The following EXOC4 variants were observed in gnomAD, a reference collection of about 807,000 sequenced individuals.
EXOC4 encodes the protein exocyst complex component 4.
EXOC4 carries 71 observed loss-of-function variants against 107.2 expected under a neutral mutation model. The ratio of observed to expected loss-of-function variants is 0.66; its 90% confidence interval spans 0.55 to 0.81. EXOC4 has a LOEUF of 0.81. Ranked by LOEUF, EXOC4 falls within the 30% of genes least tolerant of loss-of-function variation. EXOC4 has a pLI of 0.00. For synonymous variants in EXOC4, 456 were observed against 441.2 expected, an observed-to-expected ratio of 1.03 and a Z score of -0.42; for missense variants, 1,108 against 1,189.6, an observed-to-expected ratio of 0.93 and a Z score of 1.01.
At chr7:133,804,159 C>G (rs554364677) in intron 10 of EXOC4, among the ~76,000 whole-genome samples, 3 of 152,158 alleles carry the variant, frequency 2.0e-5, no homozygotes, top group African/African-American at 7.2e-5. Context: ...TTGTGAATAC[C>G]GTTGCAAGAT....
intron 1 of EXOC4, among the ~76,000 whole-genome samples, chr7:133,260,156 G>A (rs1286831559): frequency 6.6e-6 from 1 of 151,804 alleles, no homozygotes; most frequent in African/African-American, 2.4e-5. Flanking sequence ...ATATGTGTGG[G>A]TTTATTTCTT....
At chr7:133,955,400 A>AGGAGACCCTGGAGTGG (rs1469416195) in intron 14 of EXOC4, among the ~76,000 whole-genome samples, 2 of 152,102 alleles carry the variant, frequency 1.3e-5, no homozygotes, top group South Asian at 2.1e-4. Flanking sequence ...CTCAGCAGAG[A>AGGAGACCCTGGAGTGG]GGAGACCCTG....
At chr7:133,757,220 AATAAT>A (rs1245372175) in intron 10 of EXOC4, among the ~76,000 whole-genome samples, 1 of 152,212 alleles carries the variant, frequency 6.6e-6, no homozygotes, top group African/African-American at 2.4e-5. Flanking sequence ...ATAGTGGGGA[AATAAT>A]ATAATGTTGA....
At chr7:133,704,730 G>A (rs555705233) in intron 10 of EXOC4, among the ~76,000 whole-genome samples, 1 of 152,230 alleles carries the variant, frequency 6.6e-6, no homozygotes, top group East Asian at 1.9e-4. Context: ...ATCTGTCCTG[G>A]GAGGGTAATT....
chr7:134,007,873 G>A (rs774096328), intron 17 of EXOC4, 38 bp downstream of exon 17: 10 of 1,572,278 alleles, frequency 6.4e-6, no homozygotes, highest in Non-Finnish European at 8.7e-6. Flanking sequence ...TTATGCCAAA[G>A]CTAAGACCTC....
At chr7:133,402,631 T>C (rs916766864) in intron 7 of EXOC4, among the ~76,000 whole-genome samples, 4 of 152,136 alleles carry the variant, frequency 2.6e-5, no homozygotes, top group African/African-American at 9.7e-5. Context: ...CCCAAATAGC[T>C]GGGATTATAG....
intron 7 of EXOC4, among the ~76,000 whole-genome samples, chr7:133,455,757 A>G (rs1282790798): frequency 6.6e-6 from 1 of 152,206 alleles, no homozygotes; most frequent in Admixed American, 6.5e-5. Flanking sequence ...CCATAGATTT[A>G]TGGGTTTTAA....
At chr7:133,764,261 A>G (rs571122018) in intron 10 of EXOC4, among the ~76,000 whole-genome samples, 5 of 152,088 alleles carry the variant, frequency 3.3e-5, no homozygotes, top group Non-Finnish European at 7.4e-5. Flanking sequence ...AGGATTGGCA[A>G]ACTTTTTCAA....
At chr7:133,797,993 T>C (rs1796852051) in intron 10 of EXOC4, among the ~76,000 whole-genome samples, 1 of 152,080 alleles carries the variant, frequency 6.6e-6, no homozygotes, top group African/African-American at 2.4e-5. Context: ...AGAATGATCT[T>C]AAGAAGGTGA....
At chr7:134,036,205 C>T (rs961434787) in intron 17 of EXOC4, among the ~76,000 whole-genome samples, 7 of 152,122 alleles carry the variant, frequency 4.6e-5, no homozygotes, top group South Asian at 2.1e-4. Flanking sequence ...AAAAAGGCCA[C>T]GGTGACTTTC....
At chr7:133,523,411 A>T (rs540416506) in intron 9 of EXOC4, among the ~76,000 whole-genome samples, 1 of 151,874 alleles carries the variant, frequency 6.6e-6, no homozygotes, top group Admixed American at 6.6e-5. Flanking sequence ...TCTAATCTGA[A>T]AATTAAGAGT....
chr7:133,922,522 T>G (rs1264312628), intron 13 of EXOC4, among the ~76,000 whole-genome samples: 1 of 152,140 alleles, frequency 6.6e-6, no homozygotes, highest in Admixed American at 6.6e-5. Context: ...TATATTGTAT[T>G]TCATTATGTC....
At chr7:133,638,851 C>T (rs928373903) in intron 10 of EXOC4, among the ~76,000 whole-genome samples, 4 of 152,024 alleles carry the variant, frequency 2.6e-5, no homozygotes, top group Non-Finnish European at 5.9e-5. Flanking sequence ...ATTTTAGATG[C>T]AGGTTTTCGT....
chr7:133,904,425 C>T (rs989579558), intron 12 of EXOC4, among the ~76,000 whole-genome samples: 1 of 152,186 alleles, frequency 6.6e-6, no homozygotes, highest in African/African-American at 2.4e-5. Context: ...TTTGTCCAAA[C>T]AGCAAACTCT....
intron 10 of EXOC4, among the ~76,000 whole-genome samples, chr7:133,656,476 C>T (rs1297701398): frequency 6.6e-6 from 1 of 151,854 alleles, no homozygotes; most frequent in Non-Finnish European, 1.5e-5. Context: ...AAGGTAATAA[C>T]CCCCTCAAAT....
At chr7:133,561,007 TC>T (rs1197003732) in intron 9 of EXOC4, among the ~76,000 whole-genome samples, 2 of 152,068 alleles carry the variant, frequency 1.3e-5, no homozygotes, top group African/African-American at 4.8e-5. Flanking sequence ...TCTGTACAGT[TC>T]TTTTGGCCTT....
Position 133,714,061 on chromosome 7 carries a change from A to G in EXOC4, c.1514+83920A>G, listed in dbSNP as rs146676157. On this transcript the variant is annotated intron_variant, in intron 10 of 17. Transcript: ENST00000253861. The stretch of plus-strand genomic sequence containing the variant: ...GATACACAGAGCCTTGGATGTGGGC[A>G]CAACCACTGTCAGGCCCACCCTCAC... 2.4e-3 allele frequency among the ~76,000 whole-genome samples: 361 copies of G among 152,278 alleles called. 5 individuals carry two copies. The highest frequency in any genetic ancestry group is 8.1e-3 in the African/African-American group (337 of 41,558).
chr7:133,621,324 G>A (rs7790028), intron 9 of EXOC4, among the ~76,000 whole-genome samples: 3,187 of 152,038 alleles, frequency 0.021, 118 homozygotes, highest in African/African-American at 0.073. Context: ...GTAGATTATT[G>A]TAGAATTCAT....
At chr7:133,689,995 G>C (rs1036882684) in intron 10 of EXOC4, among the ~76,000 whole-genome samples, 1 of 152,176 alleles carries the variant, frequency 6.6e-6, no homozygotes, top group Admixed American at 6.5e-5. Flanking sequence ...AAATTGGATT[G>C]GTCATTTCAA....
Sources: gnomAD v4.1 joint callset for allele counts (sites outside exome capture counted in the v4.1 genomes callset) on GRCh38, gnomAD v4.1.1 for gene constraint, MANE v1.5 for transcripts, NCBI Gene and HGNC (gene_info 2026-07-23, HGNC 2026-07-21) for gene names.